The following POLN variants were observed in gnomAD, a reference collection of about 807,000 sequenced individuals.
POLN encodes the protein DNA polymerase N.
In POLN, 108 loss-of-function variants were observed where a neutral mutation model predicts 113.5. The ratio of observed to expected loss-of-function variants is 0.95; its 90% CI spans 0.81 to 1.12. POLN has a LOEUF of 1.12. Among genes scored for constraint, POLN ranks in the 50% most tolerant of loss-of-function variants. POLN has a pLI of 0.00. For synonymous variants in POLN, 386 were observed against 391.5 expected (o/e 0.99, Z 0.17); for missense variants, 1,097 against 1,077.1 (o/e 1.02, Z -0.26).
chr4:2,163,928 C>T (rs1170328826), intron 13 of POLN, among the ~76,000 whole-genome samples: 9 of 152,198 alleles, frequency 5.9e-5, no homozygotes, highest in Non-Finnish European at 1.0e-4. Context: ...ATATCCAAGG[C>T]TGAACACTGG....
At chr4:2,117,690 G>A (rs901869110) in intron 19 of POLN, among the ~76,000 whole-genome samples, 1 of 152,220 alleles carries the variant, frequency 6.6e-6, no homozygotes, top group African/African-American at 2.4e-5. Context: ...TCCTGACTGG[G>A]TAGGTGTTGA....
chr4:2,118,243 T>C (rs554547360), intron 19 of POLN, among the ~76,000 whole-genome samples: 1 of 152,336 alleles, frequency 6.6e-6, no homozygotes, highest in South Asian at 2.1e-4. Context: ...TTCTTTCTGG[T>C]GTGTTGGCAG....
chr4:2,116,551 T>TG (rs1553895342), intron 19 of POLN, among the ~76,000 whole-genome samples: 2 of 147,462 alleles, frequency 1.4e-5, no homozygotes, highest in Admixed American at 6.8e-5. Context: ...AATTACCAAT[T>TG]AAAAAAAAAA....
In POLN at chr4:2,151,058, C is replaced by T. The variant is rs73796526; in HGVS notation, c.1731+5730G>A. On this transcript the variant is annotated intron_variant, in intron 16 of 25. Coordinates refer to ENST00000511885, the MANE Select transcript of POLN (RefSeq NM_181808.4). ...CCACAGATTGGAAGAAAATATCTGCCAAGAATATACCTGCTAAAGGACTTG... is the reference window on the plus strand; with the variant it reads ...CCACAGATTGGAAGAAAATATCTGCTAAGAATATACCTGCTAAAGGACTTG... Among the ~76,000 whole-genome samples, 329 of 152,176 alleles carry T rather than the reference C, an allele frequency of 2.2e-3. 1 individual carries two copies. Among genetic ancestry groups the T allele is most frequent in the African/African-American group, 7.5e-3 (311 of 41,524 alleles).
intron 16 of POLN, among the ~76,000 whole-genome samples, chr4:2,143,944 C>T (rs1192358089): frequency 1.3e-5 from 2 of 152,074 alleles, no homozygotes; most frequent in Admixed American, 1.3e-4. Context: ...CCCAGATGTC[C>T]TTCAAAACTG....
At chr4:2,151,814 G>C (rs1181471129) in intron 16 of POLN, among the ~76,000 whole-genome samples, 1 of 152,186 alleles carries the variant, frequency 6.6e-6, no homozygotes, top group African/African-American at 2.4e-5. Context: ...AAGGACATGG[G>C]TAAAAGATGA....
rs904568085 is a variant in POLN at position 2,085,676 on chromosome 4, A to G, written c.2134T>C (p.Leu712=). 25 of 1,614,144 alleles carry G rather than the reference A, an allele frequency of 1.5e-5. No individual in the cohort carries two copies. Among genetic ancestry groups the G allele is most frequent in the Non-Finnish European group, 2.1e-5 (25 of 1,180,036 alleles). Residue 712 remains leucine, a synonymous_variant, in exon 21 of 26, where the codon TTG becomes CTG. Transcript: ENST00000511885. ...QEAAQFLESF[L]QKYKKIKDFA... ...TCCTTGATTTTCTTGTACTTCTGCA[A>G]AAAACTCTCCAAAAACTGGGCAGCT...
At chr4:2,240,296 A>G (rs1734929563) in intron 2 of POLN, 1 of 1,611,490 alleles carries the variant, frequency 6.2e-7, no homozygotes, top group Non-Finnish European at 8.5e-7. Flanking sequence ...GTTTTTTGGT[A>G]TACAAAGTTA....
chr4:2,102,443 C>A (rs765324927), intron 19 of POLN, among the ~76,000 whole-genome samples: 1 of 152,174 alleles, frequency 6.6e-6, no homozygotes, highest in Non-Finnish European at 1.5e-5. Flanking sequence ...GCAACCACTG[C>A]CAACACAAAT....
At chr4:2,118,382 A>T (rs1339353087) in intron 19 of POLN, among the ~76,000 whole-genome samples, 3 of 152,156 alleles carry the variant, frequency 2.0e-5, no homozygotes, top group African/African-American at 7.2e-5. Context: ...CAAGACTCCA[A>T]CTTTCAGGAA....
In POLN at chr4:2,138,490, C is replaced by T. The variant is rs187797855; in HGVS notation, c.1732-7200G>A. ...GGGTGGGGACAGCTATACCAGGAGG[C>T]CCAAAGGCTTTGGTGCCCAGCCCGG... On this transcript the variant is annotated intron_variant, in intron 16 of 25. Transcript: ENST00000511885. Among the ~76,000 whole-genome samples the T allele has an allele frequency of 3.9e-5, 6 of 152,204 alleles. No homozygotes were observed. In the East Asian group the frequency reaches 1.2e-3, roughly 30 times the overall value.
intron 3 of POLN, among the ~76,000 whole-genome samples, chr4:2,222,479 G>A (rs1304255019): frequency 6.6e-6 from 1 of 151,972 alleles, no homozygotes; most frequent in African/African-American, 2.4e-5. Context: ...GGAGGTTAAA[G>A]TGAGCCTGAT....
intron 23 of POLN, chr4:2,079,428 C>T: frequency 3.0e-6 from 3 of 985,312 alleles, no homozygotes; most frequent in Non-Finnish European, 3.6e-6. Flanking sequence ...TAGAGGCTGC[C>T]TGGCATCAGT....
chr4:2,120,587 G>A (rs1016929603), intron 19 of POLN, among the ~76,000 whole-genome samples: 15 of 151,756 alleles, frequency 9.9e-5, no homozygotes, highest in African/African-American at 2.2e-4. Context: ...TCCATCTCCC[G>A]GGTTCAAGTG....
chr4:2,080,131 TC>T, intron 23 of POLN: 1 of 985,444 alleles, frequency 1.0e-6, no homozygotes, highest in Non-Finnish European at 1.2e-6. Context: ...GCAGGTTAGC[TC>T]CCAGAAGGGG....
At chr4:2,097,710 C>T (rs1217116766) in intron 19 of POLN, among the ~76,000 whole-genome samples, 1 of 152,070 alleles carries the variant, frequency 6.6e-6, no homozygotes, top group Non-Finnish European at 1.5e-5. Flanking sequence ...TTGCTTGTTC[C>T]CCAGACTGGT....
intron 19 of POLN, among the ~76,000 whole-genome samples, chr4:2,125,116 C>T (rs1731547170): frequency 1.3e-5 from 2 of 152,132 alleles, no homozygotes; most frequent in South Asian, 2.1e-4. Context: ...GTTAACAATG[C>T]TAGAGTAAAA....
At position 2,198,716 on chromosome 4, in the gene POLN, G is replaced by A. The variant is rs756457630; in HGVS notation, c.716C>T (p.Thr239Ile). 19 of 1,600,820 alleles carry A rather than the reference G, an allele frequency of 1.2e-5. No individual in the cohort carries two copies. In the Admixed American group the frequency reaches 3.1e-4, roughly 26 times the overall value. Reference protein sequence around the residue: ...DGSTQLGADQTPVSSVRGIVV... With the variant: ...DGSTQLGADQIPVSSVRGIVV... ...AATTCCTCTAACAGAAGAAACGGGG[G>A]TCTGTGGAAACACAACAAAATAAAT... The change falls in exon 6 of 26, where the codon ACC becomes ATC. Residue 239 changes from threonine (T) to isoleucine (I), a missense_variant and splice_region_variant. Thr to Ile is a moderately conservative substitution (Grantham distance 89, BLOSUM62 -1). Transcript: ENST00000511885.
At chr4:2,088,982 G>T in intron 20 of POLN, 1 of 876,996 alleles carries the variant, frequency 1.1e-6, no homozygotes, top group Non-Finnish European at 1.8e-6. Context: ...TGGTTTCCTA[G>T]TCAGACAGCC....
Sources: allele counts gnomAD v4.1 joint callset (sites outside exome capture counted in the v4.1 genomes callset), GRCh38; gene constraint gnomAD v4.1.1; transcripts MANE v1.5; gene names NCBI Gene and HGNC (gene_info 2026-07-23, HGNC 2026-07-21).